RTN4RL1: variants seen among roughly 807,000 people sequenced by gnomAD.
The protein encoded by RTN4RL1 is reticulon-4 receptor-like 1.
In RTN4RL1, 7 loss-of-function variants were observed where a neutral mutation model predicts 25.6. The ratio of observed to expected loss-of-function variants is 0.27; its 90% CI spans 0.16 to 0.51. The LOEUF is 0.51. Among genes scored for constraint, RTN4RL1 ranks in the 20% least tolerant of loss-of-function variants. RTN4RL1 has a pLI of 0.97. For synonymous variants in RTN4RL1, 297 were observed against 288.2 expected (o/e 1.03, Z -0.31); for missense variants, 500 against 615.6 (o/e 0.81, Z 1.99).
At chr17:2,006,620 ATTTGT>A (rs139318354) in intron 1 of RTN4RL1, among the ~76,000 whole-genome samples, 5 of 149,976 alleles carry the variant, frequency 3.3e-5, no homozygotes, top group Admixed American at 2.7e-4. Flanking sequence ...GCCTGGCCAA[ATTTGT>A]TTTGTTTTGT....
chr17:1,984,695 C>T (rs28533928), intron 1 of RTN4RL1, among the ~76,000 whole-genome samples: 6 of 152,320 alleles, frequency 3.9e-5, no homozygotes, highest in East Asian at 1.9e-4. Context: ...AGCCGGGCGC[C>T]GTGGCTCACG....
intron 1 of RTN4RL1, among the ~76,000 whole-genome samples, chr17:1,965,343 C>T (rs953043986): frequency 2.0e-5 from 3 of 150,934 alleles, no homozygotes; most frequent in Non-Finnish European, 3.0e-5. Context: ...AACTCCTGAC[C>T]TCAGGTGATC....
At chr17:1,989,103 A>G (rs1215715088) in intron 1 of RTN4RL1, among the ~76,000 whole-genome samples, 1 of 152,164 alleles carries the variant, frequency 6.6e-6, no homozygotes, top group African/African-American at 2.4e-5. Context: ...TAGACCACCA[A>G]TCAGGAGGCT....
intron 1 of RTN4RL1, among the ~76,000 whole-genome samples, chr17:2,018,507 C>T (rs1445651473): frequency 2.0e-5 from 3 of 152,198 alleles, no homozygotes; most frequent in Non-Finnish European, 2.9e-5. Flanking sequence ...GCATAGGAAC[C>T]ACCAGCAAGC....
At chr17:1,943,303 C>T (rs1187699361) in intron 1 of RTN4RL1, among the ~76,000 whole-genome samples, 1 of 152,264 alleles carries the variant, frequency 6.6e-6, no homozygotes, top group African/African-American at 2.4e-5. Flanking sequence ...CAGCTCCATC[C>T]TGCACGTGGT....
chr17:1,959,755 G>A (rs1296300300), intron 1 of RTN4RL1, among the ~76,000 whole-genome samples: 1 of 152,070 alleles, frequency 6.6e-6, no homozygotes, highest in Non-Finnish European at 1.5e-5. Flanking sequence ...AGTAGAGACG[G>A]GGTTTCGCCA....
At chr17:2,015,123 C>G (rs2067103154) in intron 1 of RTN4RL1, among the ~76,000 whole-genome samples, 3 of 152,014 alleles carry the variant, frequency 2.0e-5, no homozygotes, top group Admixed American at 6.6e-5. Flanking sequence ...GGCCTGGGCT[C>G]AGGTGGAGGC....
rs1393345348 is a variant in RTN4RL1 at position 2,024,168 on chromosome 17, G to A, written c.13+685C>T. On this transcript the variant is annotated intron_variant, in intron 1 of 1. Coordinates refer to ENST00000331238, the MANE Select transcript of RTN4RL1 (RefSeq NM_178568.4). ...CGGGCTGCTGGGGCGTCTAGCTACG[G>A]TGGTCGCGAAGCCAGCTGTCCTCAA... Among the ~76,000 whole-genome samples, 3 of 152,194 alleles carry A rather than the reference G, an allele frequency of 2.0e-5. No individual in the cohort carries two copies. The East Asian group carries it at 5.8e-4, about 29-fold the overall frequency.
At position 1,937,413 on chromosome 17, in the gene RTN4RL1, G is replaced by C; in HGVS notation, c.409C>G (p.Leu137Val). The change falls in exon 2 of 2, where the codon CTC becomes GTC. Residue 137 changes from leucine (L) to valine (V), a missense_variant. Leu to Val is a conservative substitution (Grantham distance 32, BLOSUM62 1). Transcript: ENST00000331238. ...AAGACGCCGGCCGGCAAGGCGCTGA[G>C]CCCACACTTGTAGAGGTAGAGGGCG... The part of the protein sequence containing the change: ...LHALYLYKCG[L>V]SALPAGVFGG... The C allele has an allele frequency of 6.2e-7, 1 of 1,613,816 alleles. No homozygotes were observed. Among genetic ancestry groups the C allele is most frequent in the Non-Finnish European group, 8.5e-7 (1 of 1,179,878 alleles).
In RTN4RL1 at chr17:1,994,094, C is replaced by T. The variant is rs923124891; in HGVS notation, c.13+30759G>A. On this transcript the variant is annotated intron_variant, in intron 1 of 1. Coordinates refer to ENST00000331238, the MANE Select transcript of RTN4RL1 (RefSeq NM_178568.4). This position sits in a 1 kb window ranked among gnomAD's most constrained non-coding sequence, Gnocchi z 4.3. ...TTCCTCAGGACACGTGCACTCGAAC[C>T]TCGCCGCTCCGGGTCCCAATCTGTG... Among the ~76,000 whole-genome samples, 1 of 152,158 alleles carries T rather than the reference C, an allele frequency of 6.6e-6. No individual in the cohort carries two copies. Among genetic ancestry groups the T allele is most frequent in the African/African-American group, 2.4e-5 (1 of 41,426 alleles).
intron 1 of RTN4RL1, among the ~76,000 whole-genome samples, chr17:2,006,847 T>C (rs1183836463): frequency 6.6e-6 from 1 of 152,126 alleles, no homozygotes; most frequent in African/African-American, 2.4e-5. Context: ...GGTCTTGAAC[T>C]CCTGGCCTCA....
At chr17:2,019,099 G>C (rs552247592) in intron 1 of RTN4RL1, 1 of 152,278 alleles carries the variant, frequency 6.6e-6, no homozygotes, top group African/African-American at 2.4e-5. Context: ...GGAGCTGATG[G>C]TTCCCTCAGT....
intron 1 of RTN4RL1, among the ~76,000 whole-genome samples, chr17:2,022,797 G>A (rs983323439): frequency 1.3e-5 from 2 of 152,336 alleles, no homozygotes; most frequent in South Asian, 2.1e-4. Context: ...GAAACCTATC[G>A]GTGGAACCTC....
At position 1,935,525 on chromosome 17, in the gene RTN4RL1, C is replaced by G. The variant is rs1915277230; in HGVS notation, c.*971G>C. 1 of 985,460 alleles carries G rather than the reference C, an allele frequency of 1.0e-6. No homozygotes were observed. The highest frequency in any genetic ancestry group is 1.7e-5 in the African/African-American group (1 of 57,188). 61.0% of individuals were successfully genotyped at this position (985,460 alleles called of 1,614,324 possible). On this transcript the variant is annotated 3_prime_UTR_variant, in exon 2 of 2. Coordinates refer to ENST00000331238, the MANE Select transcript of RTN4RL1 (RefSeq NM_178568.4). Reference sequence around the variant, plus strand: ...CCGACACCTTGCCCCAGGCCCTTGGCAAGGCCAGGTCCCTTGGAGACTATC... The same window carrying G: ...CCGACACCTTGCCCCAGGCCCTTGGGAAGGCCAGGTCCCTTGGAGACTATC...
intron 1 of RTN4RL1, among the ~76,000 whole-genome samples, chr17:1,981,438 T>A (rs2066866788): frequency 6.6e-6 from 1 of 152,208 alleles, no homozygotes; most frequent in Non-Finnish European, 1.5e-5. Context: ...TGGTATTTTT[T>A]TCTTTGCATA....
At chr17:1,952,654 A>T (rs942700551) in intron 1 of RTN4RL1, among the ~76,000 whole-genome samples, 7 of 148,520 alleles carry the variant, frequency 4.7e-5, no homozygotes, top group African/African-American at 1.7e-4. Context: ...CTCCTCCCCC[A>T]TTTTCATTCT....
chr17:1,946,889 TG>T (rs1297157262), intron 1 of RTN4RL1, among the ~76,000 whole-genome samples: 3 of 147,228 alleles, frequency 2.0e-5, no homozygotes, highest in Admixed American at 6.8e-5. Flanking sequence ...TCTCTGTGTG[TG>T]CACGTGTGTC....
chr17:1,936,998 C>T lies in RTN4RL1; in HGVS notation c.824G>A (p.Gly275Asp). 6.2e-7 allele frequency: 1 copy of T among 1,604,318 alleles called. No individual in the cohort carries two copies. Among genetic ancestry groups the T allele is most frequent in the Non-Finnish European group, 8.5e-7 (1 of 1,178,112 alleles). The stretch of plus-strand genomic sequence containing the variant: ...CACACAGGGGACAGCGGAGCTGGAG[C>T]CCCGGAACCTCTGCAGCCATTCCCA... ...SLWEWLQRFR[G>D]SSSAVPCVSP... Residue 275 changes from glycine (G) to aspartate (D), a missense_variant, in exon 2 of 2, where the codon GGC becomes GAC. Transcript: ENST00000331238.
At chr17:2,002,237 TTCCC>T (rs963744131) in intron 1 of RTN4RL1, among the ~76,000 whole-genome samples, 16 of 151,826 alleles carry the variant, frequency 1.1e-4, no homozygotes, top group South Asian at 1.0e-3. Context: ...TCTTCCTTCC[TTCCC>T]TCCCTCCCTC....
Sources: allele counts gnomAD v4.1 joint callset (sites outside exome capture counted in the v4.1 genomes callset), GRCh38; gene constraint gnomAD v4.1.1; non-coding constraint Gnocchi (gnomAD v3.1); transcripts MANE v1.5; gene names NCBI Gene and HGNC (gene_info 2026-07-23, HGNC 2026-07-21).